Variants in MOXD1 observed in about 807,000 individuals in gnomAD.
The protein encoded by MOXD1 is monooxygenase DBH like 1.
A neutral mutation model predicts 66.6 loss-of-function variants in MOXD1; 62 were observed. That is an observed-to-expected ratio of 0.93 (90% confidence interval 0.76 to 1.15). The LOEUF is 1.15. MOXD1 is among the 50% of genes most tolerant of loss of function. The pLI, the probability that MOXD1 is intolerant of heterozygous loss-of-function variation, is 0.00. For missense variants in MOXD1, 847 were observed against 754.6 expected, an observed-to-expected ratio of 1.12 and a Z score of -1.44; for synonymous variants, 303 against 281.9, an observed-to-expected ratio of 1.07 and a Z score of -0.75.
chr6:132,308,072 TCCAGGAAGTGG>T (rs1400588905), intron 10 of MOXD1, among the ~76,000 whole-genome samples: 1 of 140,204 alleles, frequency 7.1e-6, no homozygotes, highest in Non-Finnish European at 1.5e-5. Flanking sequence ...AATCAATGAA[TCCAGGAAGTGG>T]TTTTTTGAAA....
chr6:132,335,344 C>T (rs142990982), intron 4 of MOXD1, among the ~76,000 whole-genome samples: 3 of 151,764 alleles, frequency 2.0e-5, no homozygotes, highest in African/African-American at 7.3e-5. Flanking sequence ...TTCATGTTTA[C>T]CTTGAACCTC....
At chr6:132,369,760 G>C (rs554134903) in intron 4 of MOXD1, among the ~76,000 whole-genome samples, 23 of 152,030 alleles carry the variant, frequency 1.5e-4, no homozygotes, top group Non-Finnish European at 2.9e-4. Context: ...GTCCCAGCTG[G>C]AATGAAGCAG....
intron 4 of MOXD1, among the ~76,000 whole-genome samples, chr6:132,330,176 C>T (rs1034917671): frequency 1.3e-5 from 2 of 152,144 alleles, no homozygotes; most frequent in African/African-American, 4.8e-5. Flanking sequence ...GTCCCCAATC[C>T]AGTACTGGTC....
intron 4 of MOXD1, among the ~76,000 whole-genome samples, chr6:132,353,638 C>T (rs1254032695): frequency 2.6e-5 from 4 of 152,068 alleles, no homozygotes; most frequent in Non-Finnish European, 5.9e-5. Context: ...TGATGATGTG[C>T]CTAGGTGATT....
In MOXD1 at chr6:132,303,091, G is replaced by GC. The variant is rs1366787967; in HGVS notation, c.1509-5137_1509-5136insG. Among the ~76,000 whole-genome samples, 6 of 103,972 alleles carry GC rather than the reference G, an allele frequency of 5.8e-5. No individual in the cohort carries two copies. The East Asian group carries it at 2.2e-3, about 38-fold the overall frequency. 68.2% of individuals were successfully genotyped at this position (103,972 alleles called of 152,430 possible). A position where few individuals can be genotyped will look rare whatever the true frequency, so the allele number is the denominator to read the frequency against. Reference sequence around the variant, plus strand: ...AAAGCTAAAACTGTGAACTTTTCAGGGGGAAAACAAGAGAAAGTCTTCCCT... The same window carrying GC: ...AAAGCTAAAACTGTGAACTTTTCAGGCGGGAAAACAAGAGAAAGTCTTCCCT... On this transcript the variant is annotated intron_variant, in intron 10 of 11. Transcript: ENST00000367963.
At chr6:132,318,242 G>A (rs13194677) in intron 9 of MOXD1, among the ~76,000 whole-genome samples, 66 of 152,030 alleles carry the variant, frequency 4.3e-4, no homozygotes, top group Middle Eastern at 6.9e-3. Flanking sequence ...GAATTGAGTA[G>A]AGTATATATG....
At chr6:132,360,602 TTTC>T (rs1377541978) in intron 4 of MOXD1, among the ~76,000 whole-genome samples, 2 of 152,194 alleles carry the variant, frequency 1.3e-5, no homozygotes, top group African/African-American at 2.4e-5. Flanking sequence ...TGCTTTCTCC[TTTC>T]TTCTTCTCCT....
intron 1 of MOXD1, among the ~76,000 whole-genome samples, chr6:132,377,625 C>A (rs556285550): frequency 6.6e-6 from 1 of 152,132 alleles, no homozygotes; most frequent in Non-Finnish European, 1.5e-5. Flanking sequence ...TGACCCCTTG[C>A]GCCATCTGCC....
At chr6:132,340,638 A>ATTTTTTTCTTTTTTTTTTTTTTTTTT (rs1775534473) in intron 4 of MOXD1, among the ~76,000 whole-genome samples, 1 of 98,808 alleles carries the variant, frequency 1.0e-5, no homozygotes, top group African/African-American at 4.4e-5. Context: ...AACAAGACTC[A>ATTTTTTTCTTTTTTTTTTTTTTTTTT]TTTTTTTTTT....
At chr6:132,301,352 C>A (rs1774533020) in intron 10 of MOXD1, among the ~76,000 whole-genome samples, 1 of 151,822 alleles carries the variant, frequency 6.6e-6, no homozygotes, top group Admixed American at 6.6e-5. Context: ...TGCAATACAC[C>A]ATGGTAGAGT....
intron 4 of MOXD1, among the ~76,000 whole-genome samples, chr6:132,337,301 T>C (rs1191701800): frequency 6.6e-6 from 1 of 152,256 alleles, no homozygotes; most frequent in Non-Finnish European, 1.5e-5. Context: ...AATATGTATG[T>C]GCAATCATGC....
intron 4 of MOXD1, among the ~76,000 whole-genome samples, chr6:132,338,274 G>C (rs1775480055): frequency 6.6e-6 from 1 of 152,152 alleles, no homozygotes; most frequent in Non-Finnish European, 1.5e-5. Context: ...TCACGGATGG[G>C]ACAGCATCAG....
intron 10 of MOXD1, among the ~76,000 whole-genome samples, chr6:132,299,988 G>A (rs1774496345): frequency 6.6e-6 from 1 of 150,878 alleles, no homozygotes; most frequent in South Asian, 2.1e-4. Context: ...TTAATTTCTT[G>A]GAGTTATAAA....
chr6:132,309,033 T>C (rs528602612), intron 10 of MOXD1, among the ~76,000 whole-genome samples: 4 of 151,954 alleles, frequency 2.6e-5, no homozygotes, highest in Non-Finnish European at 5.9e-5. Flanking sequence ...AATCAGGCAA[T>C]AGAAAGAAAC....
At chr6:132,386,878 T>C (rs1352889213) in intron 1 of MOXD1, among the ~76,000 whole-genome samples, 1 of 151,324 alleles carries the variant, frequency 6.6e-6, no homozygotes, top group African/African-American at 2.4e-5. Context: ...TTATATTTAT[T>C]GGGTCTTCTC....
intron 4 of MOXD1, among the ~76,000 whole-genome samples, chr6:132,340,400 G>A (rs1044140200): frequency 2.8e-5 from 4 of 142,922 alleles, no homozygotes; most frequent in Non-Finnish European, 4.5e-5. Flanking sequence ...CCCATTTCTT[G>A]TTTGCTCTGA....
chr6:132,312,030 G>T (rs1316732408), intron 10 of MOXD1, among the ~76,000 whole-genome samples: 2 of 151,902 alleles, frequency 1.3e-5, no homozygotes, highest in African/African-American at 4.8e-5. Flanking sequence ...CACCAGACCT[G>T]CATATTCAGT....
At chr6:132,323,500 T>C (rs1775124023) in intron 7 of MOXD1, among the ~76,000 whole-genome samples, 2 of 152,110 alleles carry the variant, frequency 1.3e-5, no homozygotes, top group Admixed American at 1.3e-4. Flanking sequence ...TTCTATCCTA[T>C]ATATTTTTTT....
Position 132,297,159 on chromosome 6 carries a change from G to T in MOXD1, c.1836C>A (p.Ser612Arg). Residue 612 changes from serine (S) to arginine (R), a missense_variant, in exon 12 of 12, where the codon AGC (serine) becomes AGA (arginine). Ser to Arg is a moderately radical substitution (Grantham distance 110, BLOSUM62 -1). Coordinates refer to ENST00000367963, the MANE Select transcript of MOXD1 (RefSeq NM_015529.4). ...LLLSCTLSTK[S>R]L ...AAGTCCAACAGAATTTTGATCACAA[G>T]CTCTTGGTGCTCAGCGTGCAGCTGA... 1.2e-6 allele frequency: 2 copies of T among 1,612,958 alleles called. No homozygotes were observed. The highest frequency in any genetic ancestry group is 2.2e-5 in the South Asian group (2 of 90,994).
Sources: gnomAD v4.1 joint callset for allele counts (sites outside exome capture counted in the v4.1 genomes callset) on GRCh38, gnomAD v4.1.1 for gene constraint, MANE v1.5 for transcripts, NCBI Gene and HGNC (gene_info 2026-07-23, HGNC 2026-07-21) for gene names.